RAB10: variants seen among roughly 807,000 people sequenced by gnomAD.
RAB10 encodes the protein ras-related protein Rab-10.
RAB10 carries 5 observed loss-of-function variants against 25.7 expected under a neutral mutation model. The ratio of observed to expected loss-of-function variants is 0.19; its 90% CI spans 0.10 to 0.41. The LOEUF (loss-of-function observed/expected upper bound fraction) is 0.41. RAB10 is among the 10% of genes least tolerant of loss of function. The pLI, the probability that RAB10 is intolerant of heterozygous loss-of-function variation, is 1.00. For missense variants in RAB10, 103 were observed against 245.8 expected (o/e 0.42, Z 3.89); for synonymous variants, 89 against 86.4 (o/e 1.03, Z -0.16).
chr2:26,122,046 G>A (rs1351060183), intron 3 of RAB10, among the ~76,000 whole-genome samples: 3 of 152,182 alleles, frequency 2.0e-5, no homozygotes, highest in Admixed American at 2.0e-4. Flanking sequence ...CCTATACAAA[G>A]TGCCACTAGT....
At chr2:26,119,997 C>G (rs1475511493) in intron 3 of RAB10, among the ~76,000 whole-genome samples, 1 of 152,174 alleles carries the variant, frequency 6.6e-6, no homozygotes, top group Admixed American at 6.5e-5. Flanking sequence ...AAAAAACAGG[C>G]TGAAAATATC....
chr2:26,092,924 T>C (rs1667138996), intron 1 of RAB10, among the ~76,000 whole-genome samples: 1 of 152,140 alleles, frequency 6.6e-6, no homozygotes, highest in Admixed American at 6.6e-5. Context: ...TTTTTTCTTT[T>C]GATTGTGTAT....
chr2:26,044,062 G>C (rs1665944805), intron 1 of RAB10, among the ~76,000 whole-genome samples: 1 of 152,150 alleles, frequency 6.6e-6, no homozygotes, highest in Non-Finnish European at 1.5e-5. Flanking sequence ...AAAGGCTCTG[G>C]AGATCTGTTG....
rs11286148 is a variant in RAB10, at chr2:26,055,026, C to CT, written c.127+20301dup. Among the ~76,000 whole-genome samples the CT allele has an allele frequency of 6.4e-3, 953 of 149,908 alleles. 3 individuals are homozygous for CT. The highest frequency in any genetic ancestry group is 0.021 in the Middle Eastern group (6 of 292). On this transcript the variant is annotated intron_variant, in intron 1 of 5. Transcript: ENST00000264710. ...ATCTGCATTTTGAGATGAGCATAGT[C>CT]TTTTTTTTTTACAAACTAGAAAATT...
At chr2:26,058,912 T>C (rs1666327107) in intron 1 of RAB10, among the ~76,000 whole-genome samples, 1 of 152,240 alleles carries the variant, frequency 6.6e-6, no homozygotes, top group African/African-American at 2.4e-5. Flanking sequence ...GATTAAGTTT[T>C]ACTTGTTTTG....
chr2:26,039,679 C>T (rs978911538), intron 1 of RAB10, among the ~76,000 whole-genome samples: 1 of 151,040 alleles, frequency 6.6e-6, no homozygotes, highest in African/African-American at 2.4e-5. Context: ...TATATTTTAA[C>T]TCATATCTAG....
chr2:26,044,547 G>A (rs1032744480), intron 1 of RAB10, among the ~76,000 whole-genome samples: 1 of 142,410 alleles, frequency 7.0e-6, no homozygotes, highest in African/African-American at 2.6e-5. Flanking sequence ...TGGCTAATTA[G>A]TTTTTTTTTT....
chr2:26,053,719 CT>C (rs5829991), intron 1 of RAB10, among the ~76,000 whole-genome samples: 21,863 of 149,862 alleles, frequency 0.15, 1,920 homozygotes, highest in Middle Eastern at 0.24. Flanking sequence ...GTGTATATTT[CT>C]TTTTTTTTTA....
chr2:26,081,911 G>T lies in RAB10; in HGVS notation c.128-16751G>T, dbSNP rs75098314. On this transcript the variant is annotated intron_variant, in intron 1 of 5. Coordinates refer to ENST00000264710, the MANE Select transcript of RAB10 (RefSeq NM_016131.5). The stretch of plus-strand genomic sequence containing the variant: ...TTTTTCAGACAGACAAAAGCTGAGA[G>T]AATTTTTTACCTGTGCTTTTAAGGA... 3.4e-3 allele frequency among the ~76,000 whole-genome samples: 513 copies of T among 152,142 alleles called. 23 individuals are homozygous for T. In the East Asian group the frequency reaches 0.092, roughly 27 times the overall value.
intron 3 of RAB10, among the ~76,000 whole-genome samples, chr2:26,117,140 A>G (rs1667707080): frequency 6.6e-6 from 1 of 152,174 alleles, no homozygotes; most frequent in Admixed American, 6.5e-5. Flanking sequence ...AGGTATTTTT[A>G]TTCAATTTTT....
chr2:26,064,494 T>G (rs1242148330), intron 1 of RAB10, among the ~76,000 whole-genome samples: 1 of 151,598 alleles, frequency 6.6e-6, no homozygotes, highest in Admixed American at 6.6e-5. Flanking sequence ...GCTAATTTTT[T>G]GGGAAAAAAA....
At chr2:26,050,351 A>G (rs140733179) in intron 1 of RAB10, among the ~76,000 whole-genome samples, 65 of 152,240 alleles carry the variant, frequency 4.3e-4, no homozygotes, top group Non-Finnish European at 6.9e-4. Flanking sequence ...CTGATTCTTT[A>G]TCCTTTATTT....
At chr2:26,037,444 G>A (rs903843625) in intron 1 of RAB10, among the ~76,000 whole-genome samples, 1 of 152,072 alleles carries the variant, frequency 6.6e-6, no homozygotes, top group African/African-American at 2.4e-5. Context: ...TTCGAGACCA[G>A]CCTGATCAAC....
chr2:26,103,512 G>A (rs938854713), intron 2 of RAB10, among the ~76,000 whole-genome samples: 1 of 152,102 alleles, frequency 6.6e-6, no homozygotes, highest in Non-Finnish European at 1.5e-5. Flanking sequence ...GTTATAATGA[G>A]TTTTTATTGG....
At chr2:26,065,169 C>G (rs1031044114) in intron 1 of RAB10, among the ~76,000 whole-genome samples, 1 of 151,644 alleles carries the variant, frequency 6.6e-6, no homozygotes, top group Non-Finnish European at 1.5e-5. Flanking sequence ...TGTTTGTTGA[C>G]TGACCAAACA....
At chr2:26,067,982 CAG>C (rs1221770842) in intron 1 of RAB10, among the ~76,000 whole-genome samples, 1 of 152,092 alleles carries the variant, frequency 6.6e-6, no homozygotes, top group African/African-American at 2.4e-5. Flanking sequence ...ATCAAGTAAA[CAG>C]AAACATCAAA....
intron 1 of RAB10, among the ~76,000 whole-genome samples, chr2:26,058,564 C>T (rs1339554909): frequency 3.3e-5 from 5 of 152,052 alleles, no homozygotes; most frequent in Non-Finnish European, 4.4e-5. Flanking sequence ...TACTGTGCCC[C>T]GGCTAAATCT....
At chr2:26,082,368 TATATTA>T (rs1666887932) in intron 1 of RAB10, among the ~76,000 whole-genome samples, 1 of 152,128 alleles carries the variant, frequency 6.6e-6, no homozygotes, top group South Asian at 2.1e-4. Context: ...GTTGGAGTGC[TATATTA>T]ATATTAGACA....
intron 1 of RAB10, among the ~76,000 whole-genome samples, chr2:26,038,244 TG>T (rs1665808055): frequency 6.6e-6 from 1 of 151,322 alleles, no homozygotes; most frequent in Non-Finnish European, 1.5e-5. Flanking sequence ...TTGCTCAGGC[TG>T]GAGTGTAGTG....
Sources: gnomAD v4.1 joint callset for allele counts (sites outside exome capture counted in the v4.1 genomes callset) on GRCh38, gnomAD v4.1.1 for gene constraint, MANE v1.5 for transcripts, NCBI Gene and HGNC (gene_info 2026-07-23, HGNC 2026-07-21) for gene names.